Variants in CYP27A1 observed in about 807,000 individuals in gnomAD.
The protein encoded by CYP27A1 is cytochrome P450 family 27 subfamily A member 1.
A neutral mutation model predicts 58.2 loss-of-function variants in CYP27A1; 46 were observed. That is an observed-to-expected ratio of 0.79 (90% CI 0.62 to 1.01). CYP27A1 has a LOEUF of 1.01. Among genes scored for constraint, CYP27A1 ranks in the 50% least tolerant of loss-of-function variants. The pLI is 0.00. For missense variants in CYP27A1, 704 were observed against 687.0 expected (o/e 1.02, Z -0.28); for synonymous variants, 274 against 285.1 (o/e 0.96, Z 0.39).
chr2:218,782,371 A>G lies in CYP27A1; in HGVS notation c.189A>G (p.Leu63=). 1 of 1,614,176 alleles carries G rather than the reference A, an allele frequency of 6.2e-7. No individual in the cohort carries two copies. Among genetic ancestry groups the G allele is most frequent in the Non-Finnish European group, 8.5e-7 (1 of 1,179,986 alleles). ...GGAGCTTAGAGGAGATTCCACGTCTAGGACAGCTGCGCTTCTTCTTTCAGC... is the reference window on the plus strand; with the variant it reads ...GGAGCTTAGAGGAGATTCCACGTCTGGGACAGCTGCGCTTCTTCTTTCAGC... ...RQRSLEEIPR[L]GQLRFFFQLF... The change falls in exon 1 of 9, where the codon CTA becomes CTG. Residue 63 remains leucine, a synonymous_variant. Transcript: ENST00000258415. This position sits in a 1 kb window ranked among gnomAD's most constrained non-coding sequence, Gnocchi z 4.1.
intron 1 of CYP27A1, among the ~76,000 whole-genome samples, chr2:218,790,375 C>T (rs1018512329): frequency 6.6e-6 from 1 of 152,124 alleles, no homozygotes; most frequent in Non-Finnish European, 1.5e-5. Context: ...GAGGATAATA[C>T]CTAGAGTTTG....
intron 1 of CYP27A1, among the ~76,000 whole-genome samples, chr2:218,790,130 AGAGTAT>A (rs1943478108): frequency 6.6e-6 from 1 of 152,174 alleles, no homozygotes; most frequent in Admixed American, 6.5e-5. Flanking sequence ...TACTTAGGTA[AGAGTAT>A]GAGCAAAACT....
chr2:218,791,308 G>A, intron 1 of CYP27A1, among the ~76,000 whole-genome samples: 1 of 152,172 alleles, frequency 6.6e-6, no homozygotes, highest in East Asian at 1.9e-4. Context: ...ATGAGGCAAT[G>A]TATGTGTCAT....
intron 1 of CYP27A1, among the ~76,000 whole-genome samples, chr2:218,789,209 T>A (rs1943467882): frequency 6.6e-6 from 1 of 152,208 alleles, no homozygotes. Flanking sequence ...GCTAATTAAA[T>A]TATGGTACAT....
At position 218,813,876 on chromosome 2, in the gene CYP27A1, T is replaced by C. The variant is rs1943751802; in HGVS notation, c.1018-145T>C. ...GTGGATTCATGTTTAGCATGGAGAC[T>C]GCCATGAACCTGCATGTTTTTTCCT... On this transcript the variant is annotated intron_variant, in intron 5 of 8. Coordinates refer to ENST00000258415, the MANE Select transcript of CYP27A1 (RefSeq NM_000784.4). 8 of 860,138 alleles carry C rather than the reference T, an allele frequency of 9.3e-6. No homozygotes were observed. In the Admixed American group the frequency reaches 1.4e-4, roughly 15 times the overall value. The allele number at this position is 860,138 out of a possible 1,614,324, so 53.3% of individuals were successfully genotyped here. A position where few individuals can be genotyped will look rare whatever the true frequency, so the allele number is the denominator to read the frequency against.
In CYP27A1 at chr2:218,782,235, G is replaced by A; in HGVS notation, c.53G>A (p.Arg18His). The change falls in exon 1 of 9, where the codon CGT becomes CAT. Residue 18 changes from arginine to histidine, a missense_variant. By Grantham distance (29) the Arg-to-His change is conservative. Coordinates refer to ENST00000258415, the MANE Select transcript of CYP27A1 (RefSeq NM_000784.4). This position sits in a 1 kb window ranked among gnomAD's most constrained non-coding sequence, Gnocchi z 4.1. Reference protein sequence around the residue: ...RLRWALRGAGRGLCPHGARAK... With the variant: ...RLRWALRGAGHGLCPHGARAK... Reference sequence around the variant, plus strand: ...AGGTGGGCGCTGCGAGGGGCCGGCCGTGGCCTCTGCCCCCACGGGGCCAGA... The same window carrying A: ...AGGTGGGCGCTGCGAGGGGCCGGCCATGGCCTCTGCCCCCACGGGGCCAGA... 1 of 1,545,466 alleles carries A rather than the reference G, an allele frequency of 6.5e-7. No individual in the cohort carries two copies. The highest frequency in any genetic ancestry group is 2.1e-4 in the Middle Eastern group (1 of 4,694).
rs1180874245 is a variant in CYP27A1, at chr2:218,809,785, G to A, written c.446+18G>A. The A allele has an allele frequency of 6.2e-7, 1 of 1,610,388 alleles. No individual in the cohort carries two copies. Among genetic ancestry groups the A allele is most frequent in the Non-Finnish European group, 8.5e-7 (1 of 1,177,530 alleles). Reference sequence around the variant, plus strand: ...TTCACCACGTGAGCTGGGGCCTGAAGGGACTGGAACAGGGCCCCAGAGGGC... The same window carrying A: ...TTCACCACGTGAGCTGGGGCCTGAAAGGACTGGAACAGGGCCCCAGAGGGC... On this transcript the variant is annotated intron_variant, in intron 2 of 8. Coordinates refer to ENST00000258415, the MANE Select transcript of CYP27A1 (RefSeq NM_000784.4).
At chr2:218,808,223 C>T (rs1321761701) in intron 1 of CYP27A1, among the ~76,000 whole-genome samples, 1 of 152,164 alleles carries the variant, frequency 6.6e-6, no homozygotes, top group Admixed American at 6.5e-5. Flanking sequence ...AGTATATTTT[C>T]CTTCCAGGAA....
intron 1 of CYP27A1, chr2:218,805,873 T>G (rs1462528631): frequency 2.0e-5 from 3 of 152,188 alleles, no homozygotes; most frequent in Non-Finnish European, 4.4e-5. Context: ...CTTACATAAG[T>G]AGATCCTTGT....
At chr2:218,794,007 TAGA>T (rs1188552390) in intron 1 of CYP27A1, among the ~76,000 whole-genome samples, 1 of 152,038 alleles carries the variant, frequency 6.6e-6, no homozygotes, top group Non-Finnish European at 1.5e-5. Context: ...CGCGGACACA[TAGA>T]AGGGTGAGAA....
chr2:218,794,198 G>C (rs1025189482), intron 1 of CYP27A1, among the ~76,000 whole-genome samples: 1 of 152,212 alleles, frequency 6.6e-6, no homozygotes, highest in African/African-American at 2.4e-5. Flanking sequence ...GCGCGGACCA[G>C]TCGGAGTTTC....
chr2:218,807,567 A>T (rs1480974864), intron 1 of CYP27A1, among the ~76,000 whole-genome samples: 2 of 152,092 alleles, frequency 1.3e-5, no homozygotes, highest in Non-Finnish European at 2.9e-5. Flanking sequence ...GATACACACT[A>T]AGCAGTCTGA....
chr2:218,796,358 T>G (rs1943547747), intron 1 of CYP27A1, among the ~76,000 whole-genome samples: 1 of 152,186 alleles, frequency 6.6e-6, no homozygotes, highest in African/African-American at 2.4e-5. Context: ...TTTGGGGGGC[T>G]GAGGCGGATG....
In CYP27A1 at chr2:218,805,479, CA is replaced by C. The variant is rs541368406; in HGVS notation, c.256-4097del. ...TTTCAATTTAGTTGAAGAGACAAGACATCCGCAAAATAATTAGAAAACTGTT... is the reference window on the plus strand; with the variant it reads ...TTTCAATTTAGTTGAAGAGACAAGACTCCGCAAAATAATTAGAAAACTGTT... On this transcript the variant is annotated intron_variant, in intron 1 of 8. Coordinates refer to ENST00000258415, the MANE Select transcript of CYP27A1 (RefSeq NM_000784.4). Among the ~76,000 whole-genome samples the C allele has an allele frequency of 2.1e-4, 32 of 152,326 alleles. No homozygotes were observed. The South Asian group carries it at 6.0e-3, about 29-fold the overall frequency.
At chr2:218,789,609 T>C (rs1943472026) in intron 1 of CYP27A1, among the ~76,000 whole-genome samples, 1 of 152,360 alleles carries the variant, frequency 6.6e-6, no homozygotes, top group Non-Finnish European at 1.5e-5. Flanking sequence ...ACAGTCTGTA[T>C]ACAACTCCAT....
intron 1 of CYP27A1, chr2:218,805,997 G>A (rs1054636146): frequency 3.9e-5 from 6 of 152,178 alleles, no homozygotes; most frequent in African/African-American, 1.4e-4. Context: ...AGTCTCAGAG[G>A]CTTTGGATTC....
intron 6 of CYP27A1, 90 bp from the exon 7 acceptor site, chr2:218,814,290 G>A: frequency 6.3e-7 from 1 of 1,598,294 alleles, no homozygotes; most frequent in Non-Finnish European, 8.6e-7. Flanking sequence ...CTAGTGACAA[G>A]GATGAGATGG....
intron 2 of CYP27A1, among the ~76,000 whole-genome samples, chr2:218,811,398 T>TA (rs1943714046): frequency 1.3e-5 from 2 of 152,152 alleles, no homozygotes; most frequent in Non-Finnish European, 2.9e-5. Flanking sequence ...GCTAGCCTTT[T>TA]AAAAAAATGG....
intron 1 of CYP27A1, among the ~76,000 whole-genome samples, chr2:218,805,018 A>G (rs936041586): frequency 6.6e-6 from 1 of 152,104 alleles, no homozygotes; most frequent in Non-Finnish European, 1.5e-5. Context: ...CACTAATTCT[A>G]TCAGATCAGG....
Sources: gnomAD v4.1 joint callset for allele counts (sites outside exome capture counted in the v4.1 genomes callset) on GRCh38, gnomAD v4.1.1 for gene constraint, Gnocchi (gnomAD v3.1) non-coding constraint, MANE v1.5 for transcripts, NCBI Gene and HGNC (gene_info 2026-07-23, HGNC 2026-07-21) for gene names.